The following CASQ2 variants were observed in gnomAD, a reference collection of about 807,000 sequenced individuals.
CASQ2 encodes the protein calsequestrin-2.
Under a neutral mutation model 46.5 loss-of-function variants are expected in CASQ2, and 49 were observed. The observed-to-expected ratio is 1.05, with a 90% CI of 0.84 to 1.34. The LOEUF (loss-of-function observed/expected upper bound fraction) is 1.34. CASQ2 is among the 40% of genes most tolerant of loss of function. The probability of loss-of-function intolerance (pLI) is 0.00; values close to 1 mark genes in which losing one functional copy is unlikely to be tolerated. For synonymous variants in CASQ2, 174 were observed against 168.5 expected (o/e 1.03, Z -0.25); for missense variants, 486 against 481.3 (o/e 1.01, Z -0.09).
intron 8 of CASQ2, among the ~76,000 whole-genome samples, chr1:115,710,090 C>G (rs777706832): frequency 2.6e-5 from 4 of 152,154 alleles, no homozygotes; most frequent in Non-Finnish European, 5.9e-5. Flanking sequence ...GCGATCCTCC[C>G]ACCTCAGCCT....
intron 8 of CASQ2, among the ~76,000 whole-genome samples, chr1:115,708,030 C>T (rs988779491): frequency 1.3e-5 from 2 of 152,156 alleles, no homozygotes; most frequent in Admixed American, 1.3e-4. Flanking sequence ...ACTCTCTTAA[C>T]ATTGAGATTC....
intron 4 of CASQ2, among the ~76,000 whole-genome samples, chr1:115,737,326 T>A (rs1274841274): frequency 6.6e-6 from 1 of 152,138 alleles, no homozygotes; most frequent in Non-Finnish European, 1.5e-5. Context: ...ATGAGGTGAC[T>A]AAGGATGCTA....
chr1:115,764,363 G>T (rs937751698), intron 1 of CASQ2, among the ~76,000 whole-genome samples: 9 of 151,976 alleles, frequency 5.9e-5, no homozygotes, highest in African/African-American at 2.2e-4. Flanking sequence ...TGTATAAATG[G>T]TATAATTCCC....
At chr1:115,753,514 G>C (rs1648652646) in intron 1 of CASQ2, among the ~76,000 whole-genome samples, 1 of 152,216 alleles carries the variant, frequency 6.6e-6, no homozygotes, top group Admixed American at 6.5e-5. Flanking sequence ...CAAGCACTGG[G>C]AGTTAAACTG....
At chr1:115,727,845 T>G (rs2101079961) in intron 5 of CASQ2, among the ~76,000 whole-genome samples, 1 of 152,314 alleles carries the variant, frequency 6.6e-6, no homozygotes, top group South Asian at 2.1e-4. Context: ...GATAAAGAGC[T>G]CGGAGAGCCA....
chr1:115,739,727 C>A (rs1399883323), intron 3 of CASQ2, among the ~76,000 whole-genome samples: 1 of 152,206 alleles, frequency 6.6e-6, no homozygotes, highest in Non-Finnish European at 1.5e-5. Context: ...CTGTGATTTA[C>A]AGAGAAAAAT....
chr1:115,729,303 T>G (rs1294007321), intron 5 of CASQ2, among the ~76,000 whole-genome samples: 1 of 152,066 alleles, frequency 6.6e-6, no homozygotes, highest in East Asian at 1.9e-4. Context: ...ACCTCCCCCC[T>G]CGGCCTCCCA....
intron 7 of CASQ2, among the ~76,000 whole-genome samples, chr1:115,722,005 G>A (rs1647393618): frequency 6.6e-6 from 1 of 152,004 alleles, no homozygotes; most frequent in African/African-American, 2.4e-5. Context: ...TAGAGGAGGG[G>A]GTATGGAAAG....
At chr1:115,741,679 T>C (rs1648182992) in intron 2 of CASQ2, among the ~76,000 whole-genome samples, 1 of 152,202 alleles carries the variant, frequency 6.6e-6, no homozygotes, top group African/African-American at 2.4e-5. Flanking sequence ...GGCTGGTAGA[T>C]GCTGCAAGGA....
chr1:115,738,080 TGTG>T, intron 4 of CASQ2, 141 bp downstream of exon 4: 1 of 724,498 alleles, frequency 1.4e-6, no homozygotes, highest in East Asian at 2.6e-5. Context: ...TGTACTCCAC[TGTG>T]TTAGGCTCAG....
chr1:115,716,268 G>A (rs1229061424), intron 8 of CASQ2, among the ~76,000 whole-genome samples: 1 of 152,210 alleles, frequency 6.6e-6, no homozygotes, highest in Non-Finnish European at 1.5e-5. Flanking sequence ...CTCCACTGGT[G>A]TTGAAAAGAG....
chr1:115,720,121 C>G (rs904846036), intron 7 of CASQ2, among the ~76,000 whole-genome samples: 2 of 152,210 alleles, frequency 1.3e-5, no homozygotes, highest in Non-Finnish European at 2.9e-5. Context: ...CAAGCCAGTT[C>G]TGTCTGGCCC....
At chr1:115,744,139 C>T (rs972487414) in intron 2 of CASQ2, among the ~76,000 whole-genome samples, 17 of 64,602 alleles carry the variant, frequency 2.6e-4, no homozygotes, top group Non-Finnish European at 7.4e-4. Flanking sequence ...GAGAACCTGT[C>T]TCAAAAAAAA....
At chr1:115,758,672 G>A (rs1284113313) in intron 1 of CASQ2, among the ~76,000 whole-genome samples, 4 of 152,184 alleles carry the variant, frequency 2.6e-5, no homozygotes, top group Admixed American at 6.5e-5. Flanking sequence ...ATTAGTTCCT[G>A]CTAGAGTTCC....
intron 8 of CASQ2, among the ~76,000 whole-genome samples, chr1:115,707,024 G>T (rs920346783): frequency 6.8e-6 from 1 of 147,936 alleles, no homozygotes; most frequent in Non-Finnish European, 1.5e-5. Flanking sequence ...ACCTCTAGTG[G>T]AGAAATAGTT....
intron 8 of CASQ2, among the ~76,000 whole-genome samples, chr1:115,716,244 T>C (rs1654697181): frequency 1.3e-5 from 2 of 152,208 alleles, no homozygotes; most frequent in Admixed American, 1.3e-4. Flanking sequence ...AAATCAATTT[T>C]CCTGCACTTC....
At chr1:115,720,496 C>T (rs941535734) in intron 7 of CASQ2, among the ~76,000 whole-genome samples, 2 of 152,210 alleles carry the variant, frequency 1.3e-5, no homozygotes, top group Non-Finnish European at 2.9e-5. Flanking sequence ...ACCACAGAAC[C>T]TGTACTCTTT....
Position 115,725,521 on chromosome 1 carries a change from A to G in CASQ2, c.770T>C (p.Met257Thr). The G allele has an allele frequency of 1.9e-6, 3 of 1,597,268 alleles. No homozygotes were observed. The highest frequency in any genetic ancestry group is 2.2e-5 in the South Asian group (2 of 90,730). ...PTLRRLRPEE[M>T]FETWEDDLNG... ...CCTCTTTCTTACCCATGTTTCAAAC[A>G]TTTCTTCTGGGCGCAGGCGACGTAG... Residue 257 changes from methionine (M) to threonine (T), a missense_variant, in exon 7 of 11, where the codon ATG (methionine) becomes ACG (threonine). By Grantham distance (81) the Met-to-Thr change is moderately conservative (BLOSUM62 -1). Coordinates refer to ENST00000261448, the MANE Select transcript of CASQ2 (RefSeq NM_001232.4).
Position 115,747,542 on chromosome 1 carries a change from C to T in CASQ2, c.235-2630G>A, listed in dbSNP as rs534876503. 2.0e-5 allele frequency among the ~76,000 whole-genome samples: 3 copies of T among 152,200 alleles called. No individual in the cohort carries two copies. The South Asian group carries it at 6.2e-4, about 32-fold the overall frequency. On this transcript the variant is annotated intron_variant, in intron 1 of 10. Coordinates refer to ENST00000261448, the MANE Select transcript of CASQ2 (RefSeq NM_001232.4). ...ATTACTAGAATTTTGATAGCAATTG[C>T]ATTAAATCTGTGTATAAACTTGGGG...
Sources: gnomAD v4.1 joint callset for allele counts (sites outside exome capture counted in the v4.1 genomes callset) on GRCh38, gnomAD v4.1.1 for gene constraint, MANE v1.5 for transcripts, NCBI Gene and HGNC (gene_info 2026-07-23, HGNC 2026-07-21) for gene names.